Variants in NDRG3 observed in about 807,000 individuals in gnomAD.
The protein encoded by NDRG3 is protein NDRG3.
Under a neutral mutation model 57.2 loss-of-function variants are expected in NDRG3, and 23 were observed. The observed-to-expected ratio is 0.40, with a 90% CI of 0.29 to 0.57. The LOEUF is 0.57. NDRG3 is among the 20% of genes least tolerant of loss of function. The probability of loss-of-function intolerance (pLI) is 0.42; values close to 1 mark genes in which losing one functional copy is unlikely to be tolerated. For missense variants in NDRG3, 384 were observed against 457.3 expected, an observed-to-expected ratio of 0.84 and a Z score of 1.46; for synonymous variants, 132 against 162.6, an observed-to-expected ratio of 0.81 and a Z score of 1.43.
At chr20:36,670,946 G>A (rs1449743025) in intron 9 of NDRG3, among the ~76,000 whole-genome samples, 1 of 152,040 alleles carries the variant, frequency 6.6e-6, no homozygotes, top group East Asian at 1.9e-4. Context: ...AAAAACATGG[G>A]GCTTGAACAA....
At chr20:36,687,359 G>T in intron 5 of NDRG3, 133 bp downstream of exon 5, 1 of 1,115,570 alleles carries the variant, frequency 9.0e-7, no homozygotes, top group Non-Finnish European at 1.3e-6. Context: ...AAAATATGAG[G>T]ATGGTTGGTC....
chr20:36,682,896 T>A (rs1981435470), intron 6 of NDRG3, among the ~76,000 whole-genome samples: 3 of 147,852 alleles, frequency 2.0e-5, no homozygotes, highest in Non-Finnish European at 4.4e-5. Flanking sequence ...TGAAACCCCG[T>A]CTCTACTAAA....
At chr20:36,662,361 G>T (rs1197071829) in intron 12 of NDRG3, among the ~76,000 whole-genome samples, 1 of 151,902 alleles carries the variant, frequency 6.6e-6, no homozygotes, top group East Asian at 1.9e-4. Context: ...GGGATTACAG[G>T]TGCATGCCAT....
intron 7 of NDRG3, among the ~76,000 whole-genome samples, chr20:36,681,940 C>T (rs1367040112): frequency 6.6e-6 from 1 of 152,068 alleles, no homozygotes; most frequent in Non-Finnish European, 1.5e-5. Context: ...TCAGGTGATC[C>T]ACCCGTGTCG....
At chr20:36,656,626 T>C in intron 13 of NDRG3, 94 bp from the exon 14 acceptor site, 1 of 1,381,742 alleles carries the variant, frequency 7.2e-7, no homozygotes, top group Non-Finnish European at 1.0e-6. Context: ...CAAGATTGAA[T>C]TCTAGGTTTT....
chr20:36,671,390 C>A lies in NDRG3; in HGVS notation c.539G>T (p.Gly180Val). The A allele has an allele frequency of 6.2e-7, 1 of 1,613,506 alleles. No homozygotes were observed. ...WIDWAASKLS[G>V]LTTNVVDIIL... ...AATGTCCACAACATTGGTTGTCAGG[C>A]CAGAGAGCTGAAAAGATAAAAACTC... The change falls in exon 9 of 16, where the codon GGC becomes GTC. Residue 180 changes from glycine (G) to valine (V), a missense_variant. Physicochemically the swap from Gly to Val is moderately radical, Grantham distance 109. Transcript: ENST00000349004.
intron 9 of NDRG3, 65 bp downstream of exon 9, chr20:36,671,276 A>C: frequency 5.3e-6 from 7 of 1,326,906 alleles, no homozygotes; most frequent in Non-Finnish European, 6.4e-6. Flanking sequence ...TTCTTTCCTA[A>C]GGTAAAATAA....
At chr20:36,676,408 GA>G (rs1980710525) in intron 8 of NDRG3, among the ~76,000 whole-genome samples, 1 of 152,132 alleles carries the variant, frequency 6.6e-6, no homozygotes, top group South Asian at 2.1e-4. Flanking sequence ...ACTTCATCAA[GA>G]AAATGGTTCA....
chr20:36,701,139 A>G (rs1398362958), intron 3 of NDRG3, among the ~76,000 whole-genome samples: 1 of 152,152 alleles, frequency 6.6e-6, no homozygotes, highest in African/African-American at 2.4e-5. Flanking sequence ...TAATCCCTTT[A>G]TTCTCCATGT....
intron 3 of NDRG3, among the ~76,000 whole-genome samples, chr20:36,696,337 C>T (rs893738686): frequency 2.6e-5 from 4 of 152,008 alleles, no homozygotes; most frequent in African/African-American, 9.7e-5. Context: ...TCAGGTGATC[C>T]ACCCACCTTG....
intron 10 of NDRG3, among the ~76,000 whole-genome samples, chr20:36,665,759 C>G (rs1467129881): frequency 6.6e-6 from 1 of 152,098 alleles, no homozygotes; most frequent in Admixed American, 6.6e-5. Context: ...CCACTACACC[C>G]GGCTAATTTT....
At chr20:36,714,980 ATC>A (rs1341896780) in intron 2 of NDRG3, among the ~76,000 whole-genome samples, 36 of 82,942 alleles carry the variant, frequency 4.3e-4, no homozygotes, top group Non-Finnish European at 1.8e-4. Context: ...AAAATCCTAT[ATC>A]TGTGTGTGTG....
chr20:36,667,681 T>A (rs547253936), intron 9 of NDRG3, among the ~76,000 whole-genome samples: 2 of 152,156 alleles, frequency 1.3e-5, no homozygotes, highest in African/African-American at 2.4e-5. Flanking sequence ...AGAAATTGCA[T>A]TGGAGGAAAG....
chr20:36,685,333 C>T (rs1389384383), intron 5 of NDRG3, among the ~76,000 whole-genome samples: 2 of 151,472 alleles, frequency 1.3e-5, no homozygotes, highest in Non-Finnish European at 2.9e-5. Flanking sequence ...TTTTAAGAGA[C>T]ATGGTCTCAC....
intron 2 of NDRG3, among the ~76,000 whole-genome samples, chr20:36,713,049 A>G (rs1471663800): frequency 6.6e-6 from 1 of 151,902 alleles, no homozygotes; most frequent in Non-Finnish European, 1.5e-5. Context: ...ATATGGTTCC[A>G]CTCTAACAAA....
At chr20:36,719,904 C>T (rs923119983) in intron 2 of NDRG3, among the ~76,000 whole-genome samples, 6 of 151,930 alleles carry the variant, frequency 3.9e-5, no homozygotes, top group Non-Finnish European at 8.8e-5. Context: ...ATCACAAGGT[C>T]AGGAGTTCGA....
At chr20:36,677,184 C>T (rs1480527562) in intron 8 of NDRG3, among the ~76,000 whole-genome samples, 2 of 152,200 alleles carry the variant, frequency 1.3e-5, no homozygotes, top group African/African-American at 2.4e-5. Context: ...CAGCCGCCCT[C>T]CCAGGCGTAG....
At chr20:36,708,308 A>C (rs1416779943) in intron 2 of NDRG3, among the ~76,000 whole-genome samples, 2 of 152,090 alleles carry the variant, frequency 1.3e-5, no homozygotes, top group African/African-American at 2.4e-5. Flanking sequence ...TCTGATCCCC[A>C]AAAAATACTG....
At chr20:36,701,502 G>A (rs1324860110) in intron 3 of NDRG3, among the ~76,000 whole-genome samples, 3 of 151,210 alleles carry the variant, frequency 2.0e-5, no homozygotes, top group Non-Finnish European at 2.9e-5. Context: ...CTATAATCAC[G>A]TCACTGCACC....
Sources: gnomAD v4.1 joint callset for allele counts (sites outside exome capture counted in the v4.1 genomes callset) on GRCh38, gnomAD v4.1.1 for gene constraint, MANE v1.5 for transcripts, NCBI Gene and HGNC (gene_info 2026-07-23, HGNC 2026-07-21) for gene names.